The following GRID1 variants were observed in gnomAD, a reference collection of about 807,000 sequenced individuals.
GRID1 encodes the protein glutamate ionotropic receptor delta type subunit 1, also known as glutamate receptor ionotropic, delta-1.
Under a neutral mutation model 98.0 loss-of-function variants are expected in GRID1, and 28 were observed. The ratio of observed to expected loss-of-function variants is 0.29; its 90% CI spans 0.21 to 0.39. GRID1 has a LOEUF of 0.39. GRID1 is among the 10% of genes least tolerant of loss of function. The pLI is 1.00. For synonymous variants in GRID1, 553 were observed against 538.5 expected (o/e 1.03, Z -0.37); for missense variants, 1,111 against 1,340.5 (o/e 0.83, Z 2.67).
chr10:85,711,621 G>A (rs1841582511), intron 12 of GRID1, among the ~76,000 whole-genome samples: 1 of 151,570 alleles, frequency 6.6e-6, no homozygotes, highest in African/African-American at 2.4e-5. Flanking sequence ...AAAATAATAG[G>A]TTTTATGTTA....
chr10:86,107,353 C>T (rs2131949216), intron 4 of GRID1, among the ~76,000 whole-genome samples: 1 of 152,340 alleles, frequency 6.6e-6, no homozygotes, highest in African/African-American at 2.4e-5. Flanking sequence ...GCCATGAGGA[C>T]CGTGATCTGA....
intron 4 of GRID1, among the ~76,000 whole-genome samples, chr10:86,090,139 C>T (rs892070869): frequency 6.6e-6 from 1 of 152,018 alleles, no homozygotes; most frequent in African/African-American, 2.4e-5. Flanking sequence ...AAAGATATGG[C>T]CGTGCCTGGT....
intron 4 of GRID1, among the ~76,000 whole-genome samples, chr10:85,981,655 C>T (rs1842545816): frequency 6.6e-6 from 1 of 152,168 alleles, no homozygotes; most frequent in Non-Finnish European, 1.5e-5. Flanking sequence ...CATTGCTCTC[C>T]GTCTTTCCCC....
At chr10:85,791,113 C>A (rs1230140354) in intron 8 of GRID1, among the ~76,000 whole-genome samples, 2 of 152,198 alleles carry the variant, frequency 1.3e-5, no homozygotes, top group African/African-American at 2.4e-5. Context: ...TCGATACCCA[C>A]CTGGCAGCTC....
intron 2 of GRID1, among the ~76,000 whole-genome samples, chr10:86,331,956 C>G (rs775760531): frequency 6.6e-6 from 1 of 152,106 alleles, no homozygotes; most frequent in Non-Finnish European, 1.5e-5. Context: ...ACTGGCCATC[C>G]TGTTGGACAG....
chr10:85,871,364 T>A (rs1352029826), intron 5 of GRID1, among the ~76,000 whole-genome samples: 1 of 152,218 alleles, frequency 6.6e-6, no homozygotes, highest in Admixed American at 6.5e-5. Context: ...ATCATTTTCA[T>A]GCCATTGTAA....
intron 2 of GRID1, among the ~76,000 whole-genome samples, chr10:86,239,218 A>G (rs540698501): frequency 1.3e-5 from 2 of 152,222 alleles, no homozygotes; most frequent in Admixed American, 6.5e-5. Context: ...AGATTTAGTG[A>G]CTGGGTTTTG....
At chr10:86,219,466 C>T (rs910412688) in intron 2 of GRID1, among the ~76,000 whole-genome samples, 17 of 152,332 alleles carry the variant, frequency 1.1e-4, no homozygotes, top group African/African-American at 4.1e-4. Context: ...TAGTTGTTTA[C>T]CGACCTTGGC....
chr10:85,910,381 T>C (rs556070125), intron 5 of GRID1, among the ~76,000 whole-genome samples: 1 of 152,336 alleles, frequency 6.6e-6, no homozygotes, highest in East Asian at 1.9e-4. Context: ...CCACATTATA[T>C]ATGTGGTGCA....
At chr10:86,024,456 C>A (rs929464129) in intron 4 of GRID1, among the ~76,000 whole-genome samples, 7 of 152,186 alleles carry the variant, frequency 4.6e-5, no homozygotes, top group Admixed American at 2.6e-4. Flanking sequence ...AGGCAGCATG[C>A]CTACAACTTC....
chr10:86,251,350 TAAAA>T (rs61715346), intron 2 of GRID1, among the ~76,000 whole-genome samples: 1 of 142,810 alleles, frequency 7.0e-6, no homozygotes, highest in African/African-American at 2.7e-5. Context: ...CAATAAATAC[TAAAA>T]AAAAAAAAAA....
intron 2 of GRID1, among the ~76,000 whole-genome samples, chr10:86,275,058 T>C (rs1392450965): frequency 6.6e-6 from 1 of 152,250 alleles, no homozygotes; most frequent in Non-Finnish European, 1.5e-5. Context: ...CAGAGAAATC[T>C]GCAAAGACTG....
intron 12 of GRID1, among the ~76,000 whole-genome samples, chr10:85,716,520 C>A (rs914240739): frequency 1.3e-5 from 2 of 151,264 alleles, no homozygotes; most frequent in African/African-American, 4.9e-5. Flanking sequence ...ATGTAACAAA[C>A]CTGCACGTTG....
At chr10:86,187,926 G>C (rs978871872) in intron 3 of GRID1, among the ~76,000 whole-genome samples, 1 of 152,200 alleles carries the variant, frequency 6.6e-6, no homozygotes, top group South Asian at 2.1e-4. Context: ...ATTGATGGAA[G>C]GGAAATAAGT....
chr10:85,707,255 C>A (rs1041819573), intron 12 of GRID1, among the ~76,000 whole-genome samples: 1 of 151,838 alleles, frequency 6.6e-6, no homozygotes, highest in African/African-American at 2.4e-5. Context: ...TGAACTCAAA[C>A]AAATTTACAA....
intron 8 of GRID1, among the ~76,000 whole-genome samples, chr10:85,806,620 C>A (rs1029481876): frequency 6.6e-5 from 10 of 151,576 alleles, no homozygotes; most frequent in African/African-American, 2.4e-4. Flanking sequence ...TAAAAAGGAA[C>A]AATTCAATAA....
In GRID1 at chr10:85,599,802, A is replaced by AAAATATATATATAT; in HGVS notation, c.*2470_*2471insATATATATATATTT. 3,024 of 64,414 alleles carry AAAATATATATATAT rather than the reference A, an allele frequency of 0.047. 124 individuals are homozygous for AAAATATATATATAT. Among genetic ancestry groups the AAAATATATATATAT allele is most frequent in the Non-Finnish European group, 0.061 (2,330 of 38,380 alleles). 4.0% of individuals were successfully genotyped at this position (64,414 alleles called of 1,614,324 possible). On this transcript the variant is annotated 3_prime_UTR_variant, in exon 16 of 16. Transcript: ENST00000327946. ...GTAGAAAATTCTAAAAAAAAAAAAAAATATATATATATATATATAAACATG... is the reference window on the plus strand; with the variant it reads ...GTAGAAAATTCTAAAAAAAAAAAAAAAAATATATATATATATATATATATATATATATAAACATG...
chr10:86,200,232 G>A (rs1845928222), intron 3 of GRID1, among the ~76,000 whole-genome samples: 1 of 151,986 alleles, frequency 6.6e-6, no homozygotes, highest in East Asian at 1.9e-4. Context: ...AGTGCCCTTT[G>A]CTTGCCTAAT....
In GRID1 at chr10:86,366,469, C is replaced by T; in HGVS notation, c.-77G>A. Reference sequence around the variant, plus strand: ...AGCGCGAAGCGGGGAGGCGCTGGTCCCGGTGCAGTCCCGGGCCGCTCCCCG... The same window carrying T: ...AGCGCGAAGCGGGGAGGCGCTGGTCTCGGTGCAGTCCCGGGCCGCTCCCCG... On this transcript the variant is annotated 5_prime_UTR_variant, in exon 1 of 16. Transcript: ENST00000327946. This position sits in a 1 kb window ranked among gnomAD's most constrained non-coding sequence, Gnocchi z 4.1. 4.9e-6 allele frequency: 5 copies of T among 1,030,110 alleles called. No individual in the cohort carries two copies. The South Asian group carries it at 8.7e-5, about 18-fold the overall frequency. 63.8% of individuals were successfully genotyped at this position (1,030,110 alleles called of 1,614,324 possible).
Sources: allele counts gnomAD v4.1 joint callset (sites outside exome capture counted in the v4.1 genomes callset), GRCh38; gene constraint gnomAD v4.1.1; non-coding constraint Gnocchi (gnomAD v3.1); transcripts MANE v1.5; gene names NCBI Gene and HGNC (gene_info 2026-07-23, HGNC 2026-07-21).